The following CPSF3 variants were observed in gnomAD, a reference collection of about 807,000 sequenced individuals.
CPSF3 encodes cleavage and polyadenylation specificity factor subunit 3.
A neutral mutation model predicts 84.1 loss-of-function variants in CPSF3; 57 were observed. The observed-to-expected ratio is 0.68, with a 90% CI of 0.55 to 0.85. The LOEUF is 0.85. Among genes scored for constraint, CPSF3 ranks in the 40% least tolerant of loss-of-function variants. The pLI is 0.00. For synonymous variants in CPSF3, 275 were observed against 278.1 expected (o/e 0.99, Z 0.11); for missense variants, 522 against 838.8 (o/e 0.62, Z 4.66).
chr2:9,436,083 A>G (rs774628545), intron 6 of CPSF3, 128 bp from the exon 7 acceptor site: 26 of 770,464 alleles, frequency 3.4e-5, no homozygotes, highest in Middle Eastern at 8.1e-4. Flanking sequence ...ATGACAACAC[A>G]TGTTCGAGTA....
At chr2:9,428,630 T>C in intron 1 of CPSF3, 135 bp from the exon 2 acceptor site, 1 of 630,574 alleles carries the variant, frequency 1.6e-6, no homozygotes, top group South Asian at 2.0e-5. Flanking sequence ...TGTAGAACTC[T>C]CTTACGTCTC....
chr2:9,435,189 A>G (rs891276937), intron 6 of CPSF3, among the ~76,000 whole-genome samples: 1 of 152,204 alleles, frequency 6.6e-6, no homozygotes, highest in African/African-American at 2.4e-5. Flanking sequence ...TAAGCTCCCA[A>G]GGGATGTCAA....
intron 5 of CPSF3, among the ~76,000 whole-genome samples, chr2:9,433,047 T>C (rs1029383714): frequency 1.3e-5 from 2 of 152,196 alleles, no homozygotes; most frequent in Non-Finnish European, 2.9e-5. Context: ...AATTTGATAT[T>C]CATGTCCCCC....
Position 9,428,771 on chromosome 2 carries a change from TG to T in CPSF3, c.60del (p.Gln21LysfsTer3). ...TCCCCTTGAATATTTACAGTGGAGC[TG>T]GGCAAGAAGTAGGAAGATCATGTAT... ...DQLLIRPLGAGQEVGRSCIIL... is the reference protein window; with the variant it reads ...DQLLIRPLGAXQEVGRSCIIL... On this transcript the variant is annotated frameshift_variant, in exon 2 of 18. Transcript: ENST00000238112. LOFTEE classifies it high-confidence loss of function. 1 of 1,604,804 alleles carries T rather than the reference TG, an allele frequency of 6.2e-7. No homozygotes were observed. The highest frequency in any genetic ancestry group is 8.5e-7 in the Non-Finnish European group (1 of 1,171,946).
intron 15 of CPSF3, among the ~76,000 whole-genome samples, chr2:9,461,613 T>C (rs1681726939): frequency 1.3e-5 from 2 of 151,436 alleles, no homozygotes. Context: ...GAGGTTGCAG[T>C]GAACAGAGAT....
chr2:9,440,675 T>G lies in CPSF3; in HGVS notation c.936+9T>G. 1 of 1,613,774 alleles carries G rather than the reference T, an allele frequency of 6.2e-7. No individual in the cohort carries two copies. The highest frequency in any genetic ancestry group is 8.5e-7 in the Non-Finnish European group (1 of 1,179,792). On this transcript the variant is annotated intron_variant, in intron 8 of 17. Coordinates refer to ENST00000238112, the MANE Select transcript of CPSF3 (RefSeq NM_016207.4). ...ACATTAGTAACCTCAAGGTGAGTGC[T>G]TGTGGAAGAAAGACAAGGATGGATA...
At chr2:9,461,219 A>G (rs1681714570) in intron 15 of CPSF3, among the ~76,000 whole-genome samples, 1 of 152,184 alleles carries the variant, frequency 6.6e-6, no homozygotes, top group Admixed American at 6.5e-5. Context: ...TCCCATGTGC[A>G]TGTAACACAG....
chr2:9,456,169 G>T (rs1278258087), intron 13 of CPSF3, among the ~76,000 whole-genome samples: 1 of 151,896 alleles, frequency 6.6e-6, no homozygotes, highest in Non-Finnish European at 1.5e-5. Flanking sequence ...AGTCTATACA[G>T]CAGGTTTTAT....
intron 11 of CPSF3, among the ~76,000 whole-genome samples, chr2:9,449,149 T>C (rs1362846631): frequency 6.6e-6 from 1 of 150,788 alleles, no homozygotes; most frequent in African/African-American, 2.4e-5. Flanking sequence ...GAGGCCAAGG[T>C]GTGTGGATCA....
In CPSF3 at chr2:9,457,042, T is replaced by C. The variant is rs35810297; in HGVS notation, c.1698+15T>C. ...TGGTATTAGAAGTAAGAAAAGATCATTTACCTAAACAATGAGGGGAAAAAA... is the reference window on the plus strand; with the variant it reads ...TGGTATTAGAAGTAAGAAAAGATCACTTACCTAAACAATGAGGGGAAAAAA... On this transcript the variant is annotated intron_variant, in intron 14 of 17. Coordinates refer to ENST00000238112, the MANE Select transcript of CPSF3 (RefSeq NM_016207.4). The C allele has an allele frequency of 0.052, 75,469 of 1,458,728 alleles. 2,282 individuals carry two copies. The highest frequency in any genetic ancestry group is 0.086 in the South Asian group (7,074 of 82,126). 90.4% of individuals were successfully genotyped at this position (1,458,728 alleles called of 1,614,324 possible).
At chr2:9,428,700 TA>T in intron 1 of CPSF3, 64 bp from the exon 2 acceptor site, 1 of 1,125,236 alleles carries the variant, frequency 8.9e-7, no homozygotes, top group Non-Finnish European at 1.3e-6. Flanking sequence ...TAAAAAAGTG[TA>T]AGTTTATTGG....
At chr2:9,452,253 C>T (rs1421633731) in intron 11 of CPSF3, among the ~76,000 whole-genome samples, 2 of 149,040 alleles carry the variant, frequency 1.3e-5, no homozygotes, top group East Asian at 2.0e-4. Flanking sequence ...CGCTTGAACC[C>T]GGGAGGCAGA....
At chr2:9,459,434 C>G in intron 14 of CPSF3, 97 bp from the exon 15 acceptor site, 1 of 765,846 alleles carries the variant, frequency 1.3e-6, no homozygotes, top group Non-Finnish European at 2.4e-6. Flanking sequence ...GCAGTAGTTC[C>G]ATATGTACAG....
chr2:9,439,806 A>C (rs1162998248), intron 7 of CPSF3, among the ~76,000 whole-genome samples: 2 of 151,896 alleles, frequency 1.3e-5, no homozygotes, highest in African/African-American at 4.8e-5. Context: ...GGGAAACATA[A>C]TGAGACCCAG....
chr2:9,464,064 GGTGTATGTGT>G (rs1399307530), intron 15 of CPSF3, among the ~76,000 whole-genome samples: 1 of 149,494 alleles, frequency 6.7e-6, no homozygotes, highest in Non-Finnish European at 1.5e-5. Context: ...TTGTATCTGT[GGTGTATGTGT>G]GTGTGTGTGT....
intron 15 of CPSF3, among the ~76,000 whole-genome samples, chr2:9,463,280 G>A (rs1219569858): frequency 2.6e-5 from 4 of 152,228 alleles, no homozygotes; most frequent in South Asian, 2.1e-4. Context: ...AAGGACTGCC[G>A]TGGTGCTTGC....
In CPSF3 at chr2:9,431,540, C is replaced by CTT. The variant is rs1198118780; in HGVS notation, c.341+670_341+671dup. 4.9e-3 allele frequency among the ~76,000 whole-genome samples: 413 copies of CTT among 84,114 alleles called. 21 individuals are homozygous for CTT. Among genetic ancestry groups the CTT allele is most frequent in the African/African-American group, 0.016 (309 of 19,022 alleles). 55.2% of individuals were successfully genotyped at this position (84,114 alleles called of 152,430 possible). A position where few individuals can be genotyped will look rare whatever the true frequency, so the allele number is the denominator to read the frequency against. On this transcript the variant is annotated intron_variant, in intron 4 of 17. Transcript: ENST00000238112. ...AAATAAATATACATATTTTTTTTTT[C>CTT]TTTTTTTTTTTCTTTTTTTTTTGAG...
chr2:9,466,376 G>A (rs1010247394), intron 15 of CPSF3, among the ~76,000 whole-genome samples: 118 of 122,644 alleles, frequency 9.6e-4, no homozygotes, highest in Admixed American at 2.0e-3. Flanking sequence ...ACACACCCAC[G>A]CACTCGCACA....
chr2:9,473,027 T>C lies in CPSF3; in HGVS notation c.*10T>C, dbSNP rs1419614512. ...GACGCCAGTTCACTGAGACTGTGCC[T>C]GTATATGAACTTTGAAAAAATACTT... On this transcript the variant is annotated 3_prime_UTR_variant, in exon 18 of 18. Coordinates refer to ENST00000238112, the MANE Select transcript of CPSF3 (RefSeq NM_016207.4). The C allele has an allele frequency of 6.3e-7, 1 of 1,595,444 alleles. No individual in the cohort carries two copies. Among genetic ancestry groups the C allele is most frequent in the East Asian group, 2.2e-5 (1 of 44,764 alleles).
Sources: allele counts gnomAD v4.1 joint callset (sites outside exome capture counted in the v4.1 genomes callset), GRCh38; gene constraint gnomAD v4.1.1; transcripts MANE v1.5; gene names NCBI Gene and HGNC (gene_info 2026-07-23, HGNC 2026-07-21).